The following PKN3 variants were observed in gnomAD, a reference collection of about 807,000 sequenced individuals.
PKN3 encodes protein kinase N3, also known as serine/threonine-protein kinase N3.
PKN3 carries 91 observed loss-of-function variants against 113.1 expected under a neutral mutation model. That is an observed-to-expected ratio of 0.80 (90% confidence interval 0.68 to 0.96). The LOEUF is 0.96. PKN3 is among the 40% of genes least tolerant of loss of function. PKN3 has a pLI of 0.00. For missense variants in PKN3, 1,052 were observed against 1,202.2 expected, an observed-to-expected ratio of 0.88 and a Z score of 1.85; for synonymous variants, 467 against 499.0, an observed-to-expected ratio of 0.94 and a Z score of 0.85.
chr9:128,717,160 C>T (rs369210896), intron 16 of PKN3, among the ~76,000 whole-genome samples: 1 of 21,572 alleles, frequency 4.6e-5, no homozygotes, highest in East Asian at 1.6e-3. Flanking sequence ...CAGAGTCTGG[C>T]TCTTATTGCC....
At position 128,707,425 on chromosome 9, in the gene PKN3, C is replaced by A. The variant is rs377028819; in HGVS notation, c.835+20C>A. On this transcript the variant is annotated intron_variant, in intron 6 of 21. Transcript: ENST00000291906. The stretch of plus-strand genomic sequence containing the variant: ...TAACAGGTAGTCAGAAGTTCCTCCC[C>A]CTTCAAAGCTCTCCTTCTTTTTGGG... 6.3e-7 allele frequency: 1 copy of A among 1,576,488 alleles called. No individual in the cohort carries two copies. The highest frequency in any genetic ancestry group is 1.1e-5 in the South Asian group (1 of 89,678).
chr9:128,703,920 G>A (rs1589473458), intron 1 of PKN3: 1 of 985,496 alleles, frequency 1.0e-6, no homozygotes, highest in Admixed American at 6.1e-5. Context: ...GGACCCCGGT[G>A]GCCGGGCCCC....
chr9:128,706,803 G>A lies in PKN3; in HGVS notation c.502G>A (p.Ala168Thr). The A allele has an allele frequency of 6.2e-7, 1 of 1,610,544 alleles. No individual in the cohort carries two copies. The highest frequency in any genetic ancestry group is 8.5e-7 in the Non-Finnish European group (1 of 1,177,664). The part of the protein sequence containing the change: ...LLRMKISSLE[A>T]SGSPEPGPEL... ...GCGGATGAAGATCAGCAGCCTGGAG[G>A]CCAGTGGGTCCCCGGAGCCAGGTGA... Residue 168 changes from alanine (A) to threonine (T), a missense_variant, in exon 4 of 22, where the codon GCC becomes ACC. Coordinates refer to ENST00000291906, the MANE Select transcript of PKN3 (RefSeq NM_013355.5).
chr9:128,720,665 T>C lies in PKN3; in HGVS notation c.*59T>C. 2 of 1,458,076 alleles carry C rather than the reference T, an allele frequency of 1.4e-6. No individual in the cohort carries two copies. The highest frequency in any genetic ancestry group is 1.9e-6 in the Non-Finnish European group (2 of 1,058,460). 90.3% of individuals were successfully genotyped at this position (1,458,076 alleles called of 1,614,324 possible). A position where few individuals can be genotyped will look rare whatever the true frequency, so the allele number is the denominator to read the frequency against. ...ACAGACTGTTAGAGCCTCTGCTCGT[T>C]CACCCGTGCGCCCTGCCTGGAGGTC... On this transcript the variant is annotated 3_prime_UTR_variant, in exon 22 of 22. Transcript: ENST00000291906. The surrounding 1 kb of genome is among the most constrained non-coding windows in gnomAD (Gnocchi z 5.5).
In PKN3 at chr9:128,705,521, C is replaced by CGGCCCTGGGCCT. The variant is rs1861985858; in HGVS notation, c.249_260dup (p.Gly84_Pro87dup). ...AGCTGCACGCCCGAATCCTGCTGCC[C>CGGCCCTGGGCCT]GGCCCTGGGCCTGGCCCAGCTGGTG... On this transcript the variant is annotated inframe_insertion, in exon 2 of 22. Coordinates refer to ENST00000291906, the MANE Select transcript of PKN3 (RefSeq NM_013355.5). The CGGCCCTGGGCCT allele has an allele frequency of 1.2e-5, 19 of 1,556,556 alleles. No homozygotes were observed. Among genetic ancestry groups the CGGCCCTGGGCCT allele is most frequent in the Non-Finnish European group, 1.7e-5 (19 of 1,151,028 alleles).
Position 128,715,337 on chromosome 9 carries a change from C to T in PKN3, c.1717-32C>T. 4 of 1,607,778 alleles carry T rather than the reference C, an allele frequency of 2.5e-6. No individual in the cohort carries two copies. Among genetic ancestry groups the T allele is most frequent in the Non-Finnish European group, 3.4e-6 (4 of 1,174,334 alleles). ...GGCGGTAAAGGCTCCCTGGTCTGGCCCACCTGGAGCACAACCTCTCTCTGG... is the reference window on the plus strand; with the variant it reads ...GGCGGTAAAGGCTCCCTGGTCTGGCTCACCTGGAGCACAACCTCTCTCTGG... On this transcript the variant is annotated intron_variant, in intron 14 of 21. Transcript: ENST00000291906. The surrounding 1 kb of genome is among the most constrained non-coding windows in gnomAD (Gnocchi z 4.1).
At position 128,719,828 on chromosome 9, in the gene PKN3, G is replaced by A. The variant is rs756338535; in HGVS notation, c.2268G>A (p.Glu756=). ...GVLLYEMLVG[E]CPFPGDTEEE... Reference sequence around the variant, plus strand: ...TGCTCTACGAGATGCTGGTGGGTGAGGTGAGTGCTGGAGCCTGTTTCCTGG... The same window carrying A: ...TGCTCTACGAGATGCTGGTGGGTGAAGTGAGTGCTGGAGCCTGTTTCCTGG... The change falls in exon 19 of 22, where the codon GAG becomes GAA. Residue 756 remains glutamate (E), a splice_region_variant and synonymous_variant. Coordinates refer to ENST00000291906, the MANE Select transcript of PKN3 (RefSeq NM_013355.5). 1.2e-6 allele frequency: 2 copies of A among 1,609,500 alleles called. No individual in the cohort carries two copies. The highest frequency in any genetic ancestry group is 1.3e-5 in the African/African-American group (1 of 74,864).
Position 128,707,002 on chromosome 9 carries a change from G to A in PKN3, c.630G>A (p.Gln210=). The change falls in exon 5 of 22, where the codon CAG becomes CAA. Residue 210 remains glutamine (Q), a synonymous_variant. Transcript: ENST00000291906. ...VVKLLSSRRT[Q]DRKALAEAQA... is the part of the protein sequence containing the mutation. ...AACTGCTTAGTAGCCGGAGAACACA[G>A]GACCGCAAGGCACTGGCTGAGGTCA... is the stretch of plus-strand genomic sequence containing the variant. 6.2e-7 allele frequency: 1 copy of A among 1,614,158 alleles called. No individual in the cohort carries two copies. Among genetic ancestry groups the A allele is most frequent in the Non-Finnish European group, 8.5e-7 (1 of 1,180,012 alleles).
chr9:128,717,300 G>T (rs1286246563), intron 16 of PKN3, among the ~76,000 whole-genome samples: 1 of 149,732 alleles, frequency 6.7e-6, no homozygotes, highest in Non-Finnish European at 1.5e-5. Context: ...GTCTAATTTT[G>T]TATTTTTAGT....
At position 128,715,176 on chromosome 9, in the gene PKN3, C is replaced by A. The variant is rs114084183; in HGVS notation, c.1657C>A (p.Pro553Thr). Residue 553 changes from proline (P) to threonine (T), a missense_variant, in exon 14 of 22, where the codon CCC (proline) becomes ACC (threonine). Pro to Thr is a conservative substitution (Grantham distance 38, BLOSUM62 -1). Around this residue, in one of 2 missense-constraint regions of PKN3, gnomAD observed 719 missense variants for 759.4 expected, o/e 0.95. Transcript: ENST00000291906. This position sits in a 1 kb window ranked among gnomAD's most constrained non-coding sequence, Gnocchi z 4.1. The part of the protein sequence containing the change: ...PSPPASPTRK[P>T]PRLQDFRCLA... ...ATACCCTCTCTTCCTTTGCAGGAAA[C>A]CCCCTCGGCTTCAGGACTTCCGCTG... is the stretch of plus-strand genomic sequence containing the variant. The A allele has an allele frequency of 2.0e-3, 3,163 of 1,613,970 alleles. 11 individuals are homozygous for A. Among genetic ancestry groups the A allele is most frequent in the South Asian group, 2.7e-3 (247 of 91,072 alleles).
intron 15 of PKN3, 66 bp from the exon 16 acceptor site, chr9:128,716,681 G>GCAGGGCA (rs1862348014): frequency 1.5e-6 from 2 of 1,364,980 alleles, no homozygotes; most frequent in Non-Finnish European, 2.1e-6. Flanking sequence ...GGGGTGTTGT[G>GCAGGGCA]CAGGGCACAG....
chr9:128,714,664 G>A lies in PKN3; in HGVS notation c.1584G>A (p.Pro528=), dbSNP rs1317952953. ...AGGAGCCAACATCCGAGGAGACTCC[G>A]GTGAGGGGCTGGAGGGACTAGTGGC... is the stretch of plus-strand genomic sequence containing the variant. ...LPQEPTSEET[P]RTKRPHMEPR... is the part of the protein sequence containing the mutation. The change falls in exon 12 of 22, where the codon CCG becomes CCA. Residue 528 remains proline (P), a splice_region_variant and synonymous_variant. Coordinates refer to ENST00000291906, the MANE Select transcript of PKN3 (RefSeq NM_013355.5). 7.7e-6 allele frequency: 11 copies of A among 1,425,964 alleles called. No individual in the cohort carries two copies. The highest frequency in any genetic ancestry group is 8.9e-6 in the Non-Finnish European group (9 of 1,009,214). The allele number at this position is 1,425,964 out of a possible 1,614,324, so 88.3% of individuals were successfully genotyped here.
chr9:128,715,231 G>A lies in PKN3; in HGVS notation c.1712G>A (p.Gly571Glu). The change falls in exon 14 of 22, where the codon GGG (glycine) becomes GAG (glutamate). Residue 571 changes from glycine (G) to glutamate (E), a missense_variant. Gly to Glu is a moderately conservative substitution (Grantham distance 98). This residue lies in a region of PKN3 where 333 missense variants were observed against 442.8 expected (regional missense o/e 0.75). Transcript: ENST00000291906. This position sits in a 1 kb window ranked among gnomAD's most constrained non-coding sequence, Gnocchi z 4.1. ...CLAVLGRGHF[G>E]KVLLVQFKGT... Reference sequence around the variant, plus strand: ...GCTGTGCTGGGCCGGGGACACTTTGGGAAGGTAGTGGGCTGAAGAGGGTGG... The same window carrying A: ...GCTGTGCTGGGCCGGGGACACTTTGAGAAGGTAGTGGGCTGAAGAGGGTGG... 6.2e-7 allele frequency: 1 copy of A among 1,614,064 alleles called. No homozygotes were observed. Among genetic ancestry groups the A allele is most frequent in the Admixed American group, 1.7e-5 (1 of 60,014 alleles).
At chr9:128,718,787 C>CTT (rs1005269775) in intron 18 of PKN3, among the ~76,000 whole-genome samples, 162 bp downstream of exon 18, 4 of 152,130 alleles carry the variant, frequency 2.6e-5, no homozygotes, top group Admixed American at 1.3e-4. Context: ...CACACTGGCC[C>CTT]TTTCTTCCTA....
In PKN3 at chr9:128,714,068, T is replaced by C. The variant is rs781055201; in HGVS notation, c.1259T>C (p.Ile420Thr). ...CAGGTGACCTTCTGCGATCCTGTCA[T>C]TGAGAGGCGGCCCCGGCTGCAGAGG... Reference protein sequence around the residue: ...FAQVTFCDPVIERRPRLQRQE... With the variant: ...FAQVTFCDPVTERRPRLQRQE... Residue 420 changes from isoleucine (I) to threonine (T), a missense_variant, in exon 10 of 22, where the codon ATT becomes ACT. By Grantham distance (89) the Ile-to-Thr change is moderately conservative (BLOSUM62 -1). This residue lies in a region of PKN3 where 719 missense variants were observed against 759.4 expected (regional missense o/e 0.95). Transcript: ENST00000291906. The C allele has an allele frequency of 1.9e-6, 3 of 1,614,106 alleles. No homozygotes were observed. The highest frequency in any genetic ancestry group is 1.7e-5 in the Admixed American group (1 of 60,022).
At position 128,705,885 on chromosome 9, in the gene PKN3, G is replaced by T. The variant is rs1264542847; in HGVS notation, c.411+6G>T. The T allele has an allele frequency of 6.3e-7, 1 of 1,581,966 alleles. No homozygotes were observed. The highest frequency in any genetic ancestry group is 8.6e-7 in the Non-Finnish European group (1 of 1,160,582). On this transcript the variant is annotated splice_donor_region_variant and intron_variant, in intron 3 of 21. Transcript: ENST00000291906. ...GCGCCAGTGGCACCCCCAAGGTAAG[G>T]CCCCACAGTCTGATGGCAGGAGCAC...
At chr9:128,709,541 C>G (rs1416456998) in intron 6 of PKN3, among the ~76,000 whole-genome samples, 1 of 151,488 alleles carries the variant, frequency 6.6e-6, no homozygotes, top group African/African-American at 2.4e-5. Context: ...CACCTGAGGT[C>G]GGGAGTTCGA....
At chr9:128,703,883 G>A (rs1435282676) in intron 1 of PKN3, 5 of 985,330 alleles carry the variant, frequency 5.1e-6, no homozygotes, top group African/African-American at 3.5e-5. Flanking sequence ...GCGGGGCTCC[G>A]CCCTGCAGCG....
chr9:128,714,023 C>T, intron 9 of PKN3, 23 bp from the exon 10 acceptor site: 1 of 1,613,414 alleles, frequency 6.2e-7, no homozygotes, highest in African/African-American at 1.3e-5. Flanking sequence ...GACTGGTCCA[C>T]AACCCTGCCC....
Sources: gnomAD v4.1 joint callset for allele counts (sites outside exome capture counted in the v4.1 genomes callset) on GRCh38, gnomAD v4.1.1 for gene constraint, gnomAD v4.1.1 regional missense constraint, Gnocchi (gnomAD v3.1) non-coding constraint, MANE v1.5 for transcripts, NCBI Gene and HGNC (gene_info 2026-07-23, HGNC 2026-07-21) for gene names.